Variants in RTL4 observed in about 807,000 individuals in gnomAD.
RTL4 encodes the protein retrotransposon Gag like 4.
A neutral mutation model predicts 5.3 loss-of-function variants in RTL4; 4 were observed. That is an observed-to-expected ratio of 0.75 (90% CI 0.37 to 1.72). The LOEUF (loss-of-function observed/expected upper bound fraction) is 1.72. RTL4 is among the 40% of genes most tolerant of loss of function. The probability of loss-of-function intolerance (pLI) is 0.04; values close to 1 mark genes in which losing one functional copy is unlikely to be tolerated. For synonymous variants in RTL4, 98 were observed against 87.3 expected (o/e 1.12, Z -0.68); for missense variants, 260 against 227.1 (o/e 1.14, Z -0.93).
chrX:112,370,240 AC>A, the RTL4 span, among the ~76,000 whole-genome samples: 2 of 110,646 alleles, frequency 1.8e-5, no homozygotes, highest in East Asian at 5.8e-4. Context: ...CCAGAGACTA[AC>A]CCTCTCTGCC....
At chrX:112,203,379 A>G in the RTL4 span, among the ~76,000 whole-genome samples, 61 of 111,429 alleles carry the variant, frequency 5.5e-4, no homozygotes, top group African/African-American at 2.0e-3. Flanking sequence ...TCAAAATTAC[A>G]TTTTTAGTTT....
chrX:112,336,058 G>A, the RTL4 span, among the ~76,000 whole-genome samples: 6 of 110,402 alleles, frequency 5.4e-5, no homozygotes, highest in Admixed American at 3.9e-4. Context: ...GCCTCCCAAA[G>A]TGCTGGGATT....
the RTL4 span, among the ~76,000 whole-genome samples, chrX:112,090,301 T>G: frequency 2.7e-5 from 3 of 111,091 alleles, no homozygotes; most frequent in Non-Finnish European, 5.7e-5. Context: ...AGGAAAAATG[T>G]GGATAACCTT....
chrX:112,125,700 G>A, the RTL4 span, among the ~76,000 whole-genome samples: 2 of 111,600 alleles, frequency 1.8e-5, no homozygotes, highest in Non-Finnish European at 3.8e-5. Context: ...TTGGGATAAA[G>A]GAGATAGGGA....
chrX:112,200,261 G>C, the RTL4 span, among the ~76,000 whole-genome samples: 1 of 111,980 alleles, frequency 8.9e-6, no homozygotes, highest in Non-Finnish European at 1.9e-5. Context: ...CAATGTGACA[G>C]GGGGAAAGAG....
At chrX:112,200,522 G>A in the RTL4 span, among the ~76,000 whole-genome samples, 4 of 111,704 alleles carry the variant, frequency 3.6e-5, no homozygotes, top group Admixed American at 1.9e-4. Flanking sequence ...CTAGAATTCC[G>A]GCCAAAAACT....
At chrX:112,383,224 AT>A in the RTL4 span, among the ~76,000 whole-genome samples, 4 of 111,363 alleles carry the variant, frequency 3.6e-5, no homozygotes, top group African/African-American at 9.8e-5. Context: ...GGATAGTTAT[AT>A]TTTTTGGGGG....
At chrX:112,361,843 T>A in the RTL4 span, among the ~76,000 whole-genome samples, 1 of 111,383 alleles carries the variant, frequency 9.0e-6, no homozygotes, top group Non-Finnish European at 1.9e-5. Flanking sequence ...CCAAATAGGA[T>A]ACTTTACACC....
At chrX:112,099,869 A>T in the RTL4 span, among the ~76,000 whole-genome samples, 1 of 111,663 alleles carries the variant, frequency 9.0e-6, no homozygotes, top group Non-Finnish European at 1.9e-5. Context: ...ATTTAAGAAA[A>T]TTTGCGATAC....
the RTL4 span, among the ~76,000 whole-genome samples, chrX:112,206,108 G>A: frequency 8.9e-6 from 1 of 111,812 alleles, no homozygotes; most frequent in South Asian, 3.8e-4. Context: ...CATCTATGGT[G>A]ATGTTATTGT....
At chrX:112,128,941 G>A in the RTL4 span, among the ~76,000 whole-genome samples, 1 of 111,437 alleles carries the variant, frequency 9.0e-6, no homozygotes, top group East Asian at 2.8e-4. Context: ...TCATATGTCT[G>A]ATAAGGATCT....
chrX:112,455,421 G>T (rs772749284), exon 1 of RTL4: 1 of 1,211,164 alleles, frequency 8.3e-7, no homozygotes, highest in Non-Finnish European at 1.1e-6. Flanking sequence ...CAGAGACCCA[G>T]CTCCCATTGT....
At chrX:112,454,217 C>T (rs1926791539), upstream of RTL4, among the ~76,000 whole-genome samples, 1 of 111,579 alleles carries the variant, frequency 9.0e-6, no homozygotes, top group African/African-American at 3.3e-5. Context: ...ACTAATGATA[C>T]GTAATGAGCT....
chrX:112,149,947 A>C, the RTL4 span, among the ~76,000 whole-genome samples: 5 of 111,954 alleles, frequency 4.5e-5, no homozygotes, highest in East Asian at 2.8e-4. Flanking sequence ...ATATTTAAGT[A>C]GAGAAATGAA....
At chrX:112,288,258 A>C in the RTL4 span, among the ~76,000 whole-genome samples, 2 of 112,299 alleles carry the variant, frequency 1.8e-5, no homozygotes, top group Non-Finnish European at 3.8e-5. Flanking sequence ...CAGCGTAAGA[A>C]ATTGATTGCC....
the RTL4 span, among the ~76,000 whole-genome samples, chrX:112,133,477 G>A: frequency 1.8e-5 from 2 of 111,740 alleles, no homozygotes; most frequent in South Asian, 7.5e-4. Context: ...TGAAGCGATG[G>A]CAAGGGACCG....
chrX:112,448,348 C>T, the RTL4 span, among the ~76,000 whole-genome samples: 1 of 111,585 alleles, frequency 9.0e-6, no homozygotes, highest in East Asian at 2.8e-4. Context: ...GGTAAACCAC[C>T]ATTGCTGTAT....
the RTL4 span, among the ~76,000 whole-genome samples, chrX:112,324,495 A>C: frequency 9.0e-6 from 1 of 110,907 alleles, no homozygotes; most frequent in African/African-American, 3.3e-5. Context: ...TCGGTCTTTA[A>C]TCCATTGTTT....
the RTL4 span, among the ~76,000 whole-genome samples, chrX:112,103,934 T>C: frequency 9.6e-6 from 1 of 104,494 alleles, no homozygotes; most frequent in Non-Finnish European, 1.9e-5. Flanking sequence ...TTTAGCATTT[T>C]CAAAAACACA....
Sources: gnomAD v4.1 joint callset for allele counts (sites outside exome capture counted in the v4.1 genomes callset) on GRCh38, gnomAD v4.1.1 for gene constraint, MANE v1.5 for transcripts, NCBI Gene and HGNC (gene_info 2026-07-23, HGNC 2026-07-21) for gene names.